Variants in NRXN1 observed in about 807,000 individuals in gnomAD.
The protein encoded by NRXN1 is neurexin 1, also known as neurexin-1.
NRXN1 carries 39 observed loss-of-function variants against 150.9 expected under a neutral mutation model. The observed-to-expected ratio is 0.26, with a 90% CI of 0.20 to 0.34. NRXN1 has a LOEUF of 0.34. NRXN1 is among the 10% of genes least tolerant of loss of function. The pLI is 1.00. For missense variants in NRXN1, 1,815 were observed against 1,949.9 expected (o/e 0.93, Z 1.30); for synonymous variants, 924 against 757.0 (o/e 1.22, Z -3.62).
intron 5 of NRXN1, among the ~76,000 whole-genome samples, chr2:50,695,841 A>AC (rs1692751938): frequency 7.9e-6 from 1 of 127,318 alleles, no homozygotes; most frequent in Admixed American, 8.5e-5. Context: ...AGTGACTCTG[A>AC]TTTTTTTTTT....
At chr2:50,494,427 G>C (rs28631421) in intron 15 of NRXN1, among the ~76,000 whole-genome samples, 8,435 of 152,128 alleles carry the variant, frequency 0.055, 811 homozygotes, top group African/African-American at 0.19. Context: ...AAAACAGGGG[G>C]CCATGAAAAA....
chr2:50,558,899 G>C lies in NRXN1; in HGVS notation c.1321-5874C>G, dbSNP rs188323065. Among the ~76,000 whole-genome samples the C allele has an allele frequency of 3.8e-3, 578 of 152,074 alleles. 3 individuals are homozygous for C. Among genetic ancestry groups the C allele is most frequent in the Middle Eastern group, 0.01 (3 of 294 alleles). On this transcript the variant is annotated intron_variant, in intron 8 of 22. Coordinates refer to ENST00000401669, the MANE Select transcript of NRXN1 (RefSeq NM_001330078.2). ...AGATAGAGACCATCCTGGCTAACAC[G>C]GTGAAACCCTATCTCTACTAAAAAT...
intron 8 of NRXN1, among the ~76,000 whole-genome samples, chr2:50,565,165 AG>A: frequency 6.6e-6 from 1 of 152,286 alleles, no homozygotes; most frequent in South Asian, 2.1e-4. Context: ...CAAGAATGGA[AG>A]GGGAAAATGC....
chr2:50,988,497 C>A (rs1011517103), intron 2 of NRXN1, among the ~76,000 whole-genome samples: 1 of 151,916 alleles, frequency 6.6e-6, no homozygotes. Context: ...AGGTTCTAAC[C>A]AAGGAGACAA....
At chr2:50,921,904 C>T (rs868091336) in intron 4 of NRXN1, 24 bp from the exon 5 acceptor site, 1 of 1,381,258 alleles carries the variant, frequency 7.2e-7, no homozygotes, top group Non-Finnish European at 9.6e-7. Flanking sequence ...GAAATGGGTC[C>T]ATGAAGAAAG....
intron 5 of NRXN1, among the ~76,000 whole-genome samples, chr2:50,718,561 T>A (rs858940): frequency 6.6e-6 from 1 of 152,010 alleles, no homozygotes; most frequent in African/African-American, 2.4e-5. Context: ...CAAGTTCATA[T>A]GATGATTTAA....
chr2:50,863,658 G>C (rs1676465953), intron 5 of NRXN1, among the ~76,000 whole-genome samples: 1 of 151,964 alleles, frequency 6.6e-6, no homozygotes, highest in Admixed American at 6.6e-5. Context: ...AAAACAATTT[G>C]TTTTCTTGAA....
intron 2 of NRXN1, among the ~76,000 whole-genome samples, chr2:50,947,033 C>T (rs1214018266): frequency 1.3e-5 from 2 of 152,162 alleles, no homozygotes; most frequent in Admixed American, 6.5e-5. Flanking sequence ...CAATCCTATT[C>T]TTACTGGGCA....
At chr2:50,514,252 A>C (rs1262284789) in intron 12 of NRXN1, among the ~76,000 whole-genome samples, 1 of 152,192 alleles carries the variant, frequency 6.6e-6, no homozygotes. Context: ...TTATATGTAT[A>C]AATTGGTTCT....
chr2:50,013,200 A>C (rs1685988880), intron 21 of NRXN1, among the ~76,000 whole-genome samples: 1 of 151,790 alleles, frequency 6.6e-6, no homozygotes, highest in Non-Finnish European at 1.5e-5. Flanking sequence ...TTATATCTTC[A>C]AGAAGAAGGA....
chr2:50,034,031 T>C (rs1487564789), intron 21 of NRXN1, among the ~76,000 whole-genome samples: 1 of 150,596 alleles, frequency 6.6e-6, no homozygotes, highest in African/African-American at 2.4e-5. Flanking sequence ...AGAATGCTTA[T>C]ACACTGTTGG....
chr2:50,577,203 T>C (rs1171129038), intron 8 of NRXN1, among the ~76,000 whole-genome samples: 1 of 152,134 alleles, frequency 6.6e-6, no homozygotes, highest in Non-Finnish European at 1.5e-5. Flanking sequence ...CTGAAACTAT[T>C]ATGGGGACGT....
chr2:50,648,185 C>A (rs79713497), intron 5 of NRXN1, among the ~76,000 whole-genome samples: 2 of 151,900 alleles, frequency 1.3e-5, no homozygotes, highest in African/African-American at 4.8e-5. Context: ...GAGACTCAAT[C>A]GCCAACAACG....
At chr2:50,986,903 AAAT>A (rs768016660) in intron 2 of NRXN1, among the ~76,000 whole-genome samples, 32 of 151,870 alleles carry the variant, frequency 2.1e-4, no homozygotes, top group South Asian at 4.1e-4. Flanking sequence ...ACAGAAAGTA[AAAT>A]TGAAAAACAG....
At chr2:50,540,712 G>C (rs1344203991) in intron 9 of NRXN1, among the ~76,000 whole-genome samples, 3 of 151,946 alleles carry the variant, frequency 2.0e-5, no homozygotes, top group African/African-American at 7.3e-5. Context: ...ACACAAGCTG[G>C]AGTGCAGTGG....
intron 8 of NRXN1, among the ~76,000 whole-genome samples, chr2:50,592,223 C>G (rs1674390031): frequency 6.6e-6 from 1 of 152,212 alleles, no homozygotes. Context: ...GAAACTTGTT[C>G]AAGTTTTACA....
At chr2:50,344,172 G>A (rs886085687) in intron 17 of NRXN1, among the ~76,000 whole-genome samples, 6 of 152,046 alleles carry the variant, frequency 3.9e-5, no homozygotes, top group African/African-American at 1.2e-4. Flanking sequence ...CCATCACCCT[G>A]CCTGCCGTGT....
rs150224013 is a variant in NRXN1 at position 50,993,458 on chromosome 2, T to G, written c.772+34044A>C. 3.4e-3 allele frequency among the ~76,000 whole-genome samples: 524 copies of G among 152,002 alleles called. 3 individuals are homozygous for G. The highest frequency in any genetic ancestry group is 0.012 in the African/African-American group (483 of 41,532). On this transcript the variant is annotated intron_variant, in intron 2 of 22. Coordinates refer to ENST00000401669, the MANE Select transcript of NRXN1 (RefSeq NM_001330078.2). Reference sequence around the variant, plus strand: ...TTTTATGTTTCTATTAACTCAGCCATTCACCCTTTCCCTTCTTTAGTCACT... The same window carrying G: ...TTTTATGTTTCTATTAACTCAGCCAGTCACCCTTTCCCTTCTTTAGTCACT...
chr2:50,617,177 G>A (rs1004904252), intron 8 of NRXN1, among the ~76,000 whole-genome samples: 4 of 151,732 alleles, frequency 2.6e-5, no homozygotes, highest in Non-Finnish European at 4.4e-5. Context: ...CATGAACCAC[G>A]ACACCCAGCA....
Sources: allele counts gnomAD v4.1 joint callset (sites outside exome capture counted in the v4.1 genomes callset), GRCh38; gene constraint gnomAD v4.1.1; transcripts MANE v1.5; gene names NCBI Gene and HGNC (gene_info 2026-07-23, HGNC 2026-07-21).